Variants in CNTN3 observed in about 807,000 individuals in gnomAD.
CNTN3 encodes contactin-3.
Under a neutral mutation model 119.1 loss-of-function variants are expected in CNTN3, and 60 were observed. That is an observed-to-expected ratio of 0.50 (90% confidence interval 0.41 to 0.62). The LOEUF (loss-of-function observed/expected upper bound fraction) is 0.62. Among genes scored for constraint, CNTN3 ranks in the 20% least tolerant of loss-of-function variants. The pLI is 0.00. For missense variants in CNTN3, 1,101 were observed against 1,242.4 expected (o/e 0.89, Z 1.71); for synonymous variants, 450 against 438.7 (o/e 1.03, Z -0.32).
chr3:74,348,321 T>G (rs2106741700), intron 11 of CNTN3, among the ~76,000 whole-genome samples: 1 of 152,280 alleles, frequency 6.6e-6, no homozygotes, highest in Non-Finnish European at 1.5e-5. Flanking sequence ...TATATGTAAT[T>G]TTTACTTGTC....
chr3:74,369,087 CA>C (rs2106787617), intron 8 of CNTN3, 101 bp downstream of exon 8: 1 of 768,250 alleles, frequency 1.3e-6, no homozygotes, highest in South Asian at 3.9e-5. Context: ...ACAAGTTGAA[CA>C]TTGGGATTCT....
chr3:74,338,120 T>C (rs1054776958), intron 11 of CNTN3, among the ~76,000 whole-genome samples: 29 of 152,128 alleles, frequency 1.9e-4, no homozygotes, highest in African/African-American at 6.5e-4. Flanking sequence ...TGAGTGAAAA[T>C]GGATGGTAAA....
intron 1 of CNTN3, among the ~76,000 whole-genome samples, chr3:74,544,689 C>T (rs1325882520): frequency 6.6e-6 from 1 of 152,146 alleles, no homozygotes; most frequent in African/African-American, 2.4e-5. Flanking sequence ...ACCTCCACCT[C>T]CCAGGTTCAA....
chr3:74,484,133 C>A (rs987093550), intron 4 of CNTN3, among the ~76,000 whole-genome samples: 4 of 152,062 alleles, frequency 2.6e-5, no homozygotes, highest in Non-Finnish European at 5.9e-5. Context: ...AATTAGGCTG[C>A]GAATTGCTCA....
chr3:74,406,791 G>T (rs909209742), intron 5 of CNTN3, among the ~76,000 whole-genome samples: 1 of 151,916 alleles, frequency 6.6e-6, no homozygotes, highest in Non-Finnish European at 1.5e-5. Flanking sequence ...AAGGGAAATG[G>T]CTAAAATATA....
intron 1 of CNTN3, among the ~76,000 whole-genome samples, chr3:74,591,646 T>A: frequency 6.7e-6 from 1 of 150,012 alleles, no homozygotes; most frequent in South Asian, 2.2e-4. Context: ...TCGAGATAAG[T>A]GAGTGGCCTG....
chr3:74,314,262 A>G (rs557784519), intron 13 of CNTN3, among the ~76,000 whole-genome samples: 1 of 152,352 alleles, frequency 6.6e-6, no homozygotes, highest in South Asian at 2.1e-4. Flanking sequence ...GAACAAGATT[A>G]AAAAATAGAA....
chr3:74,591,539 G>A (rs1416094268), intron 1 of CNTN3, among the ~76,000 whole-genome samples: 1 of 151,856 alleles, frequency 6.6e-6, no homozygotes, highest in African/African-American at 2.4e-5. Flanking sequence ...AGACCAGAGA[G>A]GCAGCAGCTG....
intron 1 of CNTN3, among the ~76,000 whole-genome samples, chr3:74,599,333 A>G (rs185419510): frequency 4.1e-4 from 62 of 152,206 alleles, no homozygotes; most frequent in African/African-American, 1.4e-3. Context: ...AGAGCAAAAG[A>G]CTGTCATCTG....
chr3:74,468,714 C>G (rs1022498627), intron 4 of CNTN3, among the ~76,000 whole-genome samples: 1 of 152,172 alleles, frequency 6.6e-6, no homozygotes, highest in Admixed American at 6.5e-5. Context: ...TGCAGTTCGA[C>G]ACAGGAATAG....
intron 1 of CNTN3, among the ~76,000 whole-genome samples, chr3:74,574,383 T>C (rs1704381536): frequency 6.6e-6 from 1 of 152,222 alleles, no homozygotes; most frequent in Non-Finnish European, 1.5e-5. Context: ...GTTGTCACAA[T>C]CTGGTGAATA....
At chr3:74,399,998 G>T (rs1705153155) in intron 5 of CNTN3, among the ~76,000 whole-genome samples, 1 of 152,168 alleles carries the variant, frequency 6.6e-6, no homozygotes, top group African/African-American at 2.4e-5. Flanking sequence ...TAAGTGTAAA[G>T]TAAATGCTTG....
At chr3:74,603,023 G>A (rs1238446642) in intron 1 of CNTN3, among the ~76,000 whole-genome samples, 3 of 152,144 alleles carry the variant, frequency 2.0e-5, no homozygotes, top group Non-Finnish European at 4.4e-5. Context: ...AAAACTTAAA[G>A]TACTTGCAAC....
At chr3:74,458,349 A>G (rs995668964) in intron 4 of CNTN3, among the ~76,000 whole-genome samples, 1 of 152,084 alleles carries the variant, frequency 6.6e-6, no homozygotes, top group Non-Finnish European at 1.5e-5. Flanking sequence ...CCAGGCTGCC[A>G]CATGTTTTTG....
intron 11 of CNTN3, among the ~76,000 whole-genome samples, chr3:74,336,864 C>T (rs564042219): frequency 1.3e-5 from 2 of 151,518 alleles, no homozygotes; most frequent in South Asian, 2.1e-4. Context: ...CATTGGATGA[C>T]AAAAGATGCT....
At chr3:74,307,924 C>CT (rs1432978504) in intron 13 of CNTN3, among the ~76,000 whole-genome samples, 1 of 152,080 alleles carries the variant, frequency 6.6e-6, no homozygotes, top group African/African-American at 2.4e-5. Context: ...AAGCAGTCCT[C>CT]TTTTTTTATG....
chr3:74,326,466 G>C (rs1703133645), intron 13 of CNTN3, among the ~76,000 whole-genome samples: 1 of 151,980 alleles, frequency 6.6e-6, no homozygotes, highest in Non-Finnish European at 1.5e-5. Flanking sequence ...ATTTGTGTTG[G>C]GAACATTCAG....
intron 13 of CNTN3, among the ~76,000 whole-genome samples, chr3:74,319,818 A>G (rs1235544094): frequency 1.1e-5 from 1 of 88,850 alleles, no homozygotes; most frequent in Non-Finnish European, 2.3e-5. Context: ...ACAAATTTAC[A>G]AAAAAAAAAA....
intron 3 of CNTN3, among the ~76,000 whole-genome samples, chr3:74,498,481 T>C (rs2107075202): frequency 6.6e-6 from 1 of 151,952 alleles, no homozygotes; most frequent in East Asian, 1.9e-4. Context: ...ATCAGTAACC[T>C]GGAATTATAA....
Sources: gnomAD v4.1 joint callset for allele counts (sites outside exome capture counted in the v4.1 genomes callset) on GRCh38, gnomAD v4.1.1 for gene constraint, MANE v1.5 for transcripts, NCBI Gene and HGNC (gene_info 2026-07-23, HGNC 2026-07-21) for gene names.